Variants in PTGER3 observed in about 807,000 individuals in gnomAD.
The protein encoded by PTGER3 is prostaglandin E receptor 3.
Under a neutral mutation model 34.7 loss-of-function variants are expected in PTGER3, and 22 were observed. The observed-to-expected ratio is 0.63, with a 90% CI of 0.45 to 0.91. The LOEUF is 0.91. PTGER3 is among the 40% of genes least tolerant of loss of function. The pLI is 0.00. For synonymous variants in PTGER3, 241 were observed against 230.1 expected (o/e 1.05, Z -0.43); for missense variants, 468 against 519.4 (o/e 0.90, Z 0.96).
intron 1 of PTGER3, among the ~76,000 whole-genome samples, chr1:71,031,662 C>A (rs1050659742): frequency 2.6e-5 from 4 of 152,136 alleles, no homozygotes; most frequent in African/African-American, 7.2e-5. Flanking sequence ...GGCTGTGCAG[C>A]CTGAAGTTCA....
At chr1:70,894,748 A>T (rs1179061036) in intron 4 of PTGER3, among the ~76,000 whole-genome samples, 1 of 152,212 alleles carries the variant, frequency 6.6e-6, no homozygotes, top group Non-Finnish European at 1.5e-5. Context: ...TCTCCAGTAG[A>T]GGTATGTGAA....
chr1:70,943,572 G>A (rs1257834483), intron 4 of PTGER3, among the ~76,000 whole-genome samples: 1 of 152,086 alleles, frequency 6.6e-6, no homozygotes, highest in Non-Finnish European at 1.5e-5. Context: ...CATTACAATA[G>A]CCTTCTTTTT....
chr1:70,853,642 A>G (rs1645731089), intron 4 of PTGER3, among the ~76,000 whole-genome samples: 1 of 152,198 alleles, frequency 6.6e-6, no homozygotes, highest in Non-Finnish European at 1.5e-5. Flanking sequence ...TGAATTATGA[A>G]GGGGTAAAAT....
intron 4 of PTGER3, among the ~76,000 whole-genome samples, chr1:70,923,184 A>G (rs754864551): frequency 6.8e-6 from 1 of 146,274 alleles, no homozygotes; most frequent in African/African-American, 2.5e-5. Flanking sequence ...TACAAGAAGC[A>G]TTGCCAAATA....
chr1:70,993,770 T>A (rs1207601906), intron 2 of PTGER3, among the ~76,000 whole-genome samples: 1 of 151,738 alleles, frequency 6.6e-6, no homozygotes, highest in Non-Finnish European at 1.5e-5. Flanking sequence ...ACCGAGTGAG[T>A]GAAAGAATAA....
chr1:71,012,158 A>T (rs5673), intron 2 of PTGER3, 147 bp downstream of exon 2: 119,761 of 1,547,932 alleles, frequency 0.077, 5,207 homozygotes, highest in African/African-American at 0.15. Flanking sequence ...AATTCACAGT[A>T]AGGTTTAGCG....
At chr1:71,003,090 C>A (rs1656635093) in intron 2 of PTGER3, among the ~76,000 whole-genome samples, 1 of 152,178 alleles carries the variant, frequency 6.6e-6, no homozygotes, top group Admixed American at 6.5e-5. Context: ...AATTGCTCTG[C>A]ATTTTTCCCT....
chr1:70,985,003 C>T (rs1373173931), intron 2 of PTGER3, among the ~76,000 whole-genome samples: 1 of 152,140 alleles, frequency 6.6e-6, no homozygotes, highest in Admixed American at 6.5e-5. Context: ...TCCATCACGA[C>T]AGCCCTAGGG....
chr1:70,982,565 T>C (rs1572847669), intron 2 of PTGER3, among the ~76,000 whole-genome samples: 2 of 152,298 alleles, frequency 1.3e-5, no homozygotes, highest in Middle Eastern at 6.8e-3. Flanking sequence ...ATACATGTTT[T>C]GTAAAATTGC....
chr1:70,930,586 TA>T (rs1311975390), intron 4 of PTGER3, among the ~76,000 whole-genome samples: 1 of 152,084 alleles, frequency 6.6e-6, no homozygotes, highest in Non-Finnish European at 1.5e-5. Context: ...TTCACATGGC[TA>T]GGGGGGCCTC....
chr1:71,006,176 TA>T (rs1240056046), intron 2 of PTGER3: 7 of 984,956 alleles, frequency 7.1e-6, no homozygotes, highest in Non-Finnish European at 8.4e-6. Flanking sequence ...CCTGAAATAC[TA>T]AAGAATCAAG....
intron 1 of PTGER3, among the ~76,000 whole-genome samples, chr1:71,033,369 T>G (rs1659566172): frequency 6.6e-6 from 1 of 152,230 alleles, no homozygotes; most frequent in Non-Finnish European, 1.5e-5. Flanking sequence ...GTGTCCCTGT[T>G]CCCACACATA....
intron 4 of PTGER3, among the ~76,000 whole-genome samples, chr1:70,869,762 G>A (rs1381368398): frequency 1.3e-5 from 2 of 152,186 alleles, no homozygotes; most frequent in Non-Finnish European, 2.9e-5. Flanking sequence ...GCTGGACACA[G>A]TGGTGCAAGG....
intron 2 of PTGER3, among the ~76,000 whole-genome samples, chr1:70,999,106 C>T (rs1349904383): frequency 1.3e-5 from 2 of 152,008 alleles, no homozygotes; most frequent in South Asian, 2.1e-4. Context: ...GTCAATTGAC[C>T]CCAGAGATGC....
intron 2 of PTGER3, among the ~76,000 whole-genome samples, chr1:70,993,369 G>A (rs1304563142): frequency 1.3e-5 from 2 of 152,152 alleles, no homozygotes; most frequent in Admixed American, 6.5e-5. Flanking sequence ...ATGTCTGTGC[G>A]ATAGAGCTTA....
At chr1:70,977,845 C>G (rs1354759448) in intron 2 of PTGER3, among the ~76,000 whole-genome samples, 1 of 152,028 alleles carries the variant, frequency 6.6e-6, no homozygotes, top group Non-Finnish European at 1.5e-5. Context: ...GTTTTGCCTC[C>G]CTTTAACACC....
chr1:70,857,231 A>AT (rs1645826482), intron 4 of PTGER3, among the ~76,000 whole-genome samples: 1 of 152,230 alleles, frequency 6.6e-6, no homozygotes, highest in East Asian at 1.9e-4. Context: ...CTTGTGACAA[A>AT]TTCTCTTAAT....
chr1:70,884,733 C>G (rs1218894551), intron 4 of PTGER3, among the ~76,000 whole-genome samples: 5 of 152,176 alleles, frequency 3.3e-5, no homozygotes, highest in Non-Finnish European at 5.9e-5. Context: ...AATACACTCT[C>G]TAACTGGGGT....
downstream of PTGER3, among the ~76,000 whole-genome samples, chr1:70,969,944 T>G (rs1652912334): frequency 1.3e-5 from 2 of 152,206 alleles, no homozygotes; most frequent in Admixed American, 1.3e-4. Context: ...TATCTTCAAT[T>G]TATAGATTAA....
Sources: gnomAD v4.1 joint callset for allele counts (sites outside exome capture counted in the v4.1 genomes callset) on GRCh38, gnomAD v4.1.1 for gene constraint, MANE v1.5 for transcripts, NCBI Gene and HGNC (gene_info 2026-07-23, HGNC 2026-07-21) for gene names.